The following XKR9 variants were observed in gnomAD, a reference collection of about 807,000 sequenced individuals.
XKR9 encodes the protein XK-related protein 9.
In XKR9, 32 loss-of-function variants were observed where a neutral mutation model predicts 32.0. That is an observed-to-expected ratio of 1.00 (90% CI 0.76 to 1.34). The LOEUF is 1.34. Among genes scored for constraint, XKR9 ranks in the 40% most tolerant of loss-of-function variants. The pLI is 0.00. For missense variants in XKR9, 546 were observed against 429.7 expected, an observed-to-expected ratio of 1.27 and a Z score of -2.39; for synonymous variants, 168 against 143.4, an observed-to-expected ratio of 1.17 and a Z score of -1.22.
chr8:70,874,294 A>G, the XKR9 span, among the ~76,000 whole-genome samples: 4 of 152,168 alleles, frequency 2.6e-5, no homozygotes, highest in Non-Finnish European at 5.9e-5. Context: ...TATGAAGGTT[A>G]CTTTTACTTT....
At chr8:70,744,584 G>A (rs1158291790) in intron 2 of XKR9, among the ~76,000 whole-genome samples, 1 of 152,138 alleles carries the variant, frequency 6.6e-6, no homozygotes, top group Admixed American at 6.5e-5. Flanking sequence ...GTTACCTACA[G>A]CTATGCTAAG....
At chr8:70,702,022 G>T (rs1250947514) in intron 3 of XKR9, among the ~76,000 whole-genome samples, 14 of 152,108 alleles carry the variant, frequency 9.2e-5, no homozygotes, top group Non-Finnish European at 1.9e-4. Context: ...CTATAAAAAT[G>T]AATATAATGG....
At chr8:70,716,899 G>C (rs567560339) in intron 4 of XKR9, among the ~76,000 whole-genome samples, 3 of 152,296 alleles carry the variant, frequency 2.0e-5, no homozygotes, top group African/African-American at 7.2e-5. Flanking sequence ...TTACTTCCTA[G>C]ATACAATGTG....
At chr8:70,967,923 T>C in the XKR9 span, among the ~76,000 whole-genome samples, 1 of 152,126 alleles carries the variant, frequency 6.6e-6, no homozygotes, top group Non-Finnish European at 1.5e-5. Flanking sequence ...TTGGGGTTGA[T>C]CTTCTCGTGG....
At chr8:70,763,889 G>T (rs1407421457) in intron 2 of XKR9, among the ~76,000 whole-genome samples, 4 of 152,160 alleles carry the variant, frequency 2.6e-5, no homozygotes, top group Non-Finnish European at 5.9e-5. Flanking sequence ...CAATATATTG[G>T]CATCTGCCTC....
intron 3 of XKR9, among the ~76,000 whole-genome samples, chr8:70,701,204 C>G (rs1426177765): frequency 6.6e-6 from 1 of 152,180 alleles, no homozygotes; most frequent in Non-Finnish European, 1.5e-5. Context: ...TGTCCTGCGC[C>G]CACTCTCTGG....
At chr8:71,002,579 C>T in the XKR9 span, among the ~76,000 whole-genome samples, 1 of 152,174 alleles carries the variant, frequency 6.6e-6, no homozygotes, top group African/African-American at 2.4e-5. Flanking sequence ...TACGGTCTCC[C>T]TTTTTACTCT....
At chr8:70,965,301 T>A in the XKR9 span, among the ~76,000 whole-genome samples, 95 of 152,324 alleles carry the variant, frequency 6.2e-4, no homozygotes, top group African/African-American at 2.1e-3. Context: ...TGAAGGCAGC[T>A]TTATCATGGT....
the XKR9 span, among the ~76,000 whole-genome samples, chr8:70,828,763 GAA>G: frequency 6.7e-6 from 1 of 150,184 alleles, no homozygotes; most frequent in Non-Finnish European, 1.5e-5. Context: ...CTGGTGGGAA[GAA>G]AAGAGTGCAT....
the XKR9 span, among the ~76,000 whole-genome samples, chr8:70,887,149 A>C: frequency 0.063 from 9,583 of 152,254 alleles, 422 homozygotes; most frequent in Non-Finnish European, 0.089. Flanking sequence ...ATGGCTAGCC[A>C]GTTTTCTCAG....
the XKR9 span, among the ~76,000 whole-genome samples, chr8:70,905,812 G>T: frequency 6.6e-6 from 1 of 152,144 alleles, no homozygotes; most frequent in Non-Finnish European, 1.5e-5. Flanking sequence ...TTTTGGTGTG[G>T]ATGTCCTTTC....
intron 3 of XKR9, among the ~76,000 whole-genome samples, chr8:70,693,086 A>G (rs1476242344): frequency 1.3e-5 from 2 of 152,306 alleles, no homozygotes; most frequent in South Asian, 4.1e-4. Context: ...GGCGAAACCT[A>G]CTTGATCACG....
chr8:70,964,612 G>T, the XKR9 span, among the ~76,000 whole-genome samples: 1 of 152,194 alleles, frequency 6.6e-6, no homozygotes, highest in East Asian at 1.9e-4. Context: ...ATTTGTTTGT[G>T]TCCTCTCTGA....
chr8:70,905,849 C>T, the XKR9 span, among the ~76,000 whole-genome samples: 1 of 152,184 alleles, frequency 6.6e-6, no homozygotes, highest in Non-Finnish European at 1.5e-5. Flanking sequence ...TTCTAACAGT[C>T]AAGACTCTCA....
At chr8:71,049,696 CCA>C in the XKR9 span, among the ~76,000 whole-genome samples, 1 of 152,016 alleles carries the variant, frequency 6.6e-6, no homozygotes, top group East Asian at 1.9e-4. Flanking sequence ...GACTGTGTGT[CCA>C]CACACACTGA....
chr8:70,709,919 T>C (rs1299246109), intron 4 of XKR9, among the ~76,000 whole-genome samples: 1 of 151,644 alleles, frequency 6.6e-6, no homozygotes, highest in Non-Finnish European at 1.5e-5. Flanking sequence ...CAAATTATCA[T>C]TTTATACAGA....
At chr8:70,728,336 G>T (rs1368912581) in intron 4 of XKR9, among the ~76,000 whole-genome samples, 1 of 152,180 alleles carries the variant, frequency 6.6e-6, no homozygotes, top group Non-Finnish European at 1.5e-5. Context: ...GCTGATCAGG[G>T]GCATAGTGGG....
At chr8:70,857,865 C>G in the XKR9 span, among the ~76,000 whole-genome samples, 1 of 152,070 alleles carries the variant, frequency 6.6e-6, no homozygotes, top group African/African-American at 2.4e-5. Context: ...TGACAAAAAC[C>G]ACGTGATTAT....
intron 2 of XKR9, among the ~76,000 whole-genome samples, chr8:70,761,820 A>C (rs1202598188): frequency 6.6e-6 from 1 of 151,742 alleles, no homozygotes; most frequent in Non-Finnish European, 1.5e-5. Flanking sequence ...GAGTTTTTAG[A>C]GTTTTGGGTT....
Sources: gnomAD v4.1 joint callset for allele counts (sites outside exome capture counted in the v4.1 genomes callset) on GRCh38, gnomAD v4.1.1 for gene constraint, MANE v1.5 for transcripts, NCBI Gene and HGNC (gene_info 2026-07-23, HGNC 2026-07-21) for gene names.